The following MSI2 variants were observed in gnomAD, a reference collection of about 807,000 sequenced individuals.
The protein encoded by MSI2 is RNA-binding protein Musashi homolog 2.
In MSI2, 17 loss-of-function variants were observed where a neutral mutation model predicts 45.6. The ratio of observed to expected loss-of-function variants is 0.37; its 90% CI spans 0.26 to 0.56. The LOEUF (loss-of-function observed/expected upper bound fraction) is 0.56. Ranked by LOEUF, MSI2 falls within the 20% of genes least tolerant of loss-of-function variation. MSI2 has a pLI of 0.77. For missense variants in MSI2, 293 were observed against 444.2 expected (o/e 0.66, Z 3.06); for synonymous variants, 156 against 158.2 (o/e 0.99, Z 0.11).
intron 5 of MSI2, among the ~76,000 whole-genome samples, chr17:57,396,700 C>T (rs566538782): frequency 2.0e-5 from 3 of 152,076 alleles, no homozygotes; most frequent in Admixed American, 6.6e-5. Flanking sequence ...TGGAGAGCAG[C>T]GGTGTTTAGT....
intron 8 of MSI2, among the ~76,000 whole-genome samples, chr17:57,607,246 C>G (rs1268063642): frequency 6.6e-6 from 1 of 152,218 alleles, no homozygotes; most frequent in Non-Finnish European, 1.5e-5. Flanking sequence ...GCGTGCCTTC[C>G]TCCCCAGAGT....
Position 57,436,172 on chromosome 17 carries a change from G to T in MSI2, c.405+34701G>T, listed in dbSNP as rs1888758307. ...GAGCTTTGGAATGAGATGAACCTGG[G>T]GATGAATACAGGCGTGGCCGTGGGC... On this transcript the variant is annotated intron_variant, in intron 6 of 13. Coordinates refer to ENST00000284073, the MANE Select transcript of MSI2 (RefSeq NM_138962.4). 2.0e-5 allele frequency among the ~76,000 whole-genome samples: 3 copies of T among 152,316 alleles called. No individual in the cohort carries two copies. The South Asian group carries it at 6.2e-4, about 32-fold the overall frequency.
chr17:57,293,906 C>T (rs2143486278), intron 5 of MSI2, among the ~76,000 whole-genome samples: 1 of 88,550 alleles, frequency 1.1e-5, no homozygotes, highest in African/African-American at 4.8e-5. Flanking sequence ...CTGTGCCCAG[C>T]CTGTTTTTTT....
chr17:57,334,596 C>T (rs1914540082), intron 5 of MSI2, among the ~76,000 whole-genome samples: 1 of 152,110 alleles, frequency 6.6e-6, no homozygotes, highest in African/African-American at 2.4e-5. Flanking sequence ...GAGTTCGAGA[C>T]CAGCCTGGCC....
intron 6 of MSI2, among the ~76,000 whole-genome samples, chr17:57,460,616 G>A: frequency 6.6e-6 from 1 of 152,156 alleles, no homozygotes; most frequent in East Asian, 1.9e-4. Flanking sequence ...CCCCGCCTGT[G>A]TGTTTGGAGA....
At chr17:57,321,493 C>T (rs892032121) in intron 5 of MSI2, among the ~76,000 whole-genome samples, 4 of 152,136 alleles carry the variant, frequency 2.6e-5, no homozygotes, top group African/African-American at 7.2e-5. Context: ...GGAAATGCCT[C>T]GGCTTCTCTG....
In MSI2 at chr17:57,442,499, T is replaced by C. The variant is rs1030347812; in HGVS notation, c.405+41028T>C. Among the ~76,000 whole-genome samples the C allele has an allele frequency of 2.0e-5, 3 of 152,334 alleles. No homozygotes were observed. The South Asian group carries it at 6.2e-4, about 32-fold the overall frequency. ...AAACAGCACGAGGTTTGTGGGATTC[T>C]ATAGGGTTTTGTACAGCCTGACCAG... On this transcript the variant is annotated intron_variant, in intron 6 of 13. Coordinates refer to ENST00000284073, the MANE Select transcript of MSI2 (RefSeq NM_138962.4).
chr17:57,401,890 C>T (rs911069357), intron 6 of MSI2, among the ~76,000 whole-genome samples: 1 of 152,156 alleles, frequency 6.6e-6, no homozygotes, highest in Admixed American at 6.5e-5. Context: ...AGAGCTGAGT[C>T]TCCCTGGGGC....
chr17:57,352,769 C>G lies in MSI2; in HGVS notation c.313-48610C>G, dbSNP rs1281449178. 3.9e-5 allele frequency among the ~76,000 whole-genome samples: 6 copies of G among 152,300 alleles called. No individual in the cohort carries two copies. The East Asian group carries it at 9.7e-4, about 25-fold the overall frequency. ...TCAAGCTTCTTGGTCTCTTCTTGGT[C>G]CATGTGGATTTAACTTGGATGGAAT... On this transcript the variant is annotated intron_variant, in intron 5 of 13. Coordinates refer to ENST00000284073, the MANE Select transcript of MSI2 (RefSeq NM_138962.4).
intron 5 of MSI2, among the ~76,000 whole-genome samples, chr17:57,338,994 G>T (rs1162267703): frequency 6.6e-6 from 1 of 152,198 alleles, no homozygotes; most frequent in African/African-American, 2.4e-5. Context: ...AAGTTTTCAG[G>T]CATCTAAAGA....
chr17:57,491,055 C>T (rs909762202), intron 6 of MSI2, among the ~76,000 whole-genome samples: 1 of 152,172 alleles, frequency 6.6e-6, no homozygotes, highest in Non-Finnish European at 1.5e-5. Flanking sequence ...CACTGCCCCT[C>T]GTGGGCCATT....
chr17:57,406,250 C>T lies in MSI2; in HGVS notation c.405+4779C>T, dbSNP rs371811670. On this transcript the variant is annotated intron_variant, in intron 6 of 13. Transcript: ENST00000284073. ...GATATGCCCGTGTAGACCCTGGCGA[C>T]GAGGCGGCCTGTTCTGCACTGTTCT... 7.0e-4 allele frequency among the ~76,000 whole-genome samples: 107 copies of T among 152,092 alleles called. No homozygotes were observed. The South Asian group carries it at 0.014, about 20-fold the overall frequency.
chr17:57,551,811 T>C (rs1010476172), intron 7 of MSI2, among the ~76,000 whole-genome samples: 1 of 152,188 alleles, frequency 6.6e-6, no homozygotes, highest in African/African-American at 2.4e-5. Flanking sequence ...CTGGAAACAG[T>C]GGCGTCCATT....
chr17:57,529,178 A>AT lies in MSI2; in HGVS notation c.406-497dup, dbSNP rs1192875558. Among the ~76,000 whole-genome samples the AT allele has an allele frequency of 6.6e-6, 1 of 152,140 alleles. No homozygotes were observed. Among genetic ancestry groups the AT allele is most frequent in the Non-Finnish European group, 1.5e-5 (1 of 68,016 alleles). On this transcript the variant is annotated intron_variant, in intron 6 of 13. Transcript: ENST00000284073. The surrounding 1 kb of genome is among the most constrained non-coding windows in gnomAD (Gnocchi z 5.3). ...AGGCCTGGAGCAGTGGCTCACACCT[A>AT]TAATCTCAGCGCTTTGAAAGGCTGC...
chr17:57,560,312 T>C (rs1451831907), intron 7 of MSI2, among the ~76,000 whole-genome samples: 1 of 152,036 alleles, frequency 6.6e-6, no homozygotes, highest in East Asian at 1.9e-4. Context: ...TTGGAGGCGC[T>C]AAGCCCCTCC....
At chr17:57,284,560 G>A (rs1909704508) in intron 5 of MSI2, among the ~76,000 whole-genome samples, 1 of 152,154 alleles carries the variant, frequency 6.6e-6, no homozygotes, top group Non-Finnish European at 1.5e-5. Context: ...ACGAAGAGAT[G>A]GGAAGATGTG....
intron 7 of MSI2, among the ~76,000 whole-genome samples, chr17:57,565,444 C>G (rs554903207): frequency 9.2e-4 from 140 of 152,286 alleles, no homozygotes; most frequent in Non-Finnish European, 1.0e-3. Flanking sequence ...CTGGAATGTC[C>G]GTCCCTGCCC....
intron 10 of MSI2, chr17:57,633,121 T>G: frequency 9.7e-7 from 1 of 1,027,550 alleles, no homozygotes; most frequent in Middle Eastern, 4.6e-4. Flanking sequence ...TTCTCCCTGA[T>G]GACGTTTTAT....
intron 10 of MSI2, among the ~76,000 whole-genome samples, chr17:57,650,636 TC>T (rs1911067195): frequency 6.6e-6 from 1 of 152,140 alleles, no homozygotes; most frequent in African/African-American, 2.4e-5. Flanking sequence ...TCTTTCTTTT[TC>T]CCCCTTCAAC....
Sources: allele counts gnomAD v4.1 joint callset (sites outside exome capture counted in the v4.1 genomes callset), GRCh38; gene constraint gnomAD v4.1.1; non-coding constraint Gnocchi (gnomAD v3.1); transcripts MANE v1.5; gene names NCBI Gene and HGNC (gene_info 2026-07-23, HGNC 2026-07-21).